The following PRDM16 variants were observed in gnomAD, a reference collection of about 807,000 sequenced individuals.
PRDM16 encodes the protein histone-lysine N-methyltransferase PRDM16.
PRDM16 carries 23 observed loss-of-function variants against 110.6 expected under a neutral mutation model. That is an observed-to-expected ratio of 0.21 (90% CI 0.15 to 0.29). The LOEUF is 0.29. Ranked by LOEUF, PRDM16 falls within the 10% of genes least tolerant of loss-of-function variation. The pLI is 1.00. For missense variants in PRDM16, 1,615 were observed against 1,794.3 expected, an observed-to-expected ratio of 0.90 and a Z score of 1.81; for synonymous variants, 799 against 781.8, an observed-to-expected ratio of 1.02 and a Z score of -0.37.
rs1570129753 is a variant in PRDM16, at chr1:3,358,446, GTGT to G, written c.439-26702_439-26700del. On this transcript the variant is annotated intron_variant, in intron 3 of 16. Transcript: ENST00000270722. This position sits in a 1 kb window ranked among gnomAD's most constrained non-coding sequence, Gnocchi z 4.0. ...CAGAAAATCTCCCACAGTGGAGGAG[GTGT>G]TGTCTCCAGAGGCAGCCGCTGCGCC... is the stretch of plus-strand genomic sequence containing the variant. 6.6e-6 allele frequency among the ~76,000 whole-genome samples: 1 copy of G among 152,298 alleles called. No homozygotes were observed.
intron 1 of PRDM16, among the ~76,000 whole-genome samples, chr1:3,142,493 A>G (rs1288553764): frequency 2.7e-5 from 4 of 148,890 alleles, no homozygotes; most frequent in African/African-American, 7.4e-5. Context: ...GTCTCGGGGC[A>G]GGCGCCGTCG....
rs760152938 is a variant in PRDM16, at chr1:3,244,093, C to G, written c.394C>G (p.Leu132Val). 1.9e-6 allele frequency: 3 copies of G among 1,613,988 alleles called. No individual in the cohort carries two copies. The highest frequency in any genetic ancestry group is 2.5e-6 in the Non-Finnish European group (3 of 1,179,992). The change falls in exon 3 of 17, where the codon CTG becomes GTG. Residue 132 changes from leucine to valine, a missense_variant. Leu to Val is a conservative substitution (Grantham distance 32, BLOSUM62 1). This residue lies in a region of PRDM16 where 416 missense variants were observed against 467.1 expected (regional missense o/e 0.89). Coordinates refer to ENST00000270722, the MANE Select transcript of PRDM16 (RefSeq NM_022114.4). The surrounding 1 kb of genome is among the most constrained non-coding windows in gnomAD (Gnocchi z 4.1). ...KETDFGWEQI[L>V]TDVEVSPQEG... ...TCTCAAAATTGTTTTGCAGCAAATA[C>G]TGACGGACGTGGAAGTGTCGCCCCA...
At position 3,154,225 on chromosome 1, in the gene PRDM16, A is replaced by G. The variant is rs535628289; in HGVS notation, c.38-31900A>G. On this transcript the variant is annotated intron_variant, in intron 1 of 16. Coordinates refer to ENST00000270722, the MANE Select transcript of PRDM16 (RefSeq NM_022114.4). Reference sequence around the variant, plus strand: ...ATCTGCCATGGAGATCCACCACCGTATCCCTAAGTGGACGGACTGGCGCTG... The same window carrying G: ...ATCTGCCATGGAGATCCACCACCGTGTCCCTAAGTGGACGGACTGGCGCTG... Among the ~76,000 whole-genome samples the G allele has an allele frequency of 2.0e-5, 3 of 152,138 alleles. No individual in the cohort carries two copies. In the East Asian group the frequency reaches 5.8e-4, roughly 29 times the overall value.
In PRDM16 at chr1:3,156,129, G is replaced by A. The variant is rs189605389; in HGVS notation, c.38-29996G>A. 3.4e-3 allele frequency among the ~76,000 whole-genome samples: 523 copies of A among 152,212 alleles called. 1 individual carries two copies. Among genetic ancestry groups the A allele is most frequent in the African/African-American group, 0.012 (509 of 41,512 alleles). On this transcript the variant is annotated intron_variant, in intron 1 of 16. Coordinates refer to ENST00000270722, the MANE Select transcript of PRDM16 (RefSeq NM_022114.4). ...GAGGAGATGACAAATATCCCACCTTGCTAATATATCTCGTTGATTTCCTCT... is the reference window on the plus strand; with the variant it reads ...GAGGAGATGACAAATATCCCACCTTACTAATATATCTCGTTGATTTCCTCT...
rs558580706 is a variant in PRDM16, at chr1:3,123,451, G to C, written c.37+54155G>C. Among the ~76,000 whole-genome samples the C allele has an allele frequency of 3.3e-5, 5 of 152,372 alleles. No homozygotes were observed. In the East Asian group the frequency reaches 9.7e-4, roughly 29 times the overall value. ...CACGGGTGAAGGGTGTCTGCCAGCAGCTATGTGGAGCCTGCGGCCTTCCTG... is the reference window on the plus strand; with the variant it reads ...CACGGGTGAAGGGTGTCTGCCAGCACCTATGTGGAGCCTGCGGCCTTCCTG... On this transcript the variant is annotated intron_variant, in intron 1 of 16. Coordinates refer to ENST00000270722, the MANE Select transcript of PRDM16 (RefSeq NM_022114.4).
intron 1 of PRDM16, among the ~76,000 whole-genome samples, chr1:3,105,875 G>A (rs929583426): frequency 9.2e-5 from 14 of 152,226 alleles, no homozygotes; most frequent in African/African-American, 2.9e-4. Context: ...AGGCCAGGCC[G>A]GCCACAGAGA....
intron 2 of PRDM16, among the ~76,000 whole-genome samples, chr1:3,242,334 C>A (rs1454989253): frequency 2.0e-5 from 3 of 152,244 alleles, no homozygotes; most frequent in African/African-American, 7.2e-5. Context: ...TCAGCCCAGC[C>A]TTTAACTGGC....
chr1:3,186,485 G>T lies in PRDM16; in HGVS notation c.387+11G>T. The T allele has an allele frequency of 6.8e-7, 1 of 1,461,788 alleles. No homozygotes were observed. The highest frequency in any genetic ancestry group is 9.2e-7 in the Non-Finnish European group (1 of 1,084,658). The allele number at this position is 1,461,788 out of a possible 1,614,324, so 90.6% of individuals were successfully genotyped here. ...GACTTCGGATGGGAGGTGAGCGATC[G>T]CGCCTGAGTATGATTGATCACGGCC... On this transcript the variant is annotated intron_variant, in intron 2 of 16. Transcript: ENST00000270722.
chr1:3,281,047 C>T (rs1640702083), intron 3 of PRDM16, among the ~76,000 whole-genome samples: 1 of 152,354 alleles, frequency 6.6e-6, no homozygotes. Context: ...TGTTCAACAC[C>T]GGGCAAGTCC....
At chr1:3,075,697 G>A (rs947816298) in intron 1 of PRDM16, among the ~76,000 whole-genome samples, 7 of 152,266 alleles carry the variant, frequency 4.6e-5, no homozygotes, top group African/African-American at 7.2e-5. Flanking sequence ...CGTCCCATGC[G>A]CGTTTTCCGC....
At chr1:3,316,749 GT>G (rs1440653392) in intron 3 of PRDM16, among the ~76,000 whole-genome samples, 1 of 149,658 alleles carries the variant, frequency 6.7e-6, no homozygotes, top group East Asian at 2.1e-4. Context: ...GCAGGAAACA[GT>G]GACTGCAGTG....
intron 3 of PRDM16, among the ~76,000 whole-genome samples, chr1:3,270,499 A>C (rs554236497): frequency 6.6e-6 from 1 of 150,432 alleles, no homozygotes; most frequent in South Asian, 2.1e-4. Context: ...GTTCCAGAGG[A>C]GGACAGTCCC....
At chr1:3,135,192 G>A (rs11800454) in intron 1 of PRDM16, among the ~76,000 whole-genome samples, 2,044 of 152,282 alleles carry the variant, frequency 0.013, 51 homozygotes, top group African/African-American at 0.046. Flanking sequence ...CAGTGAACCC[G>A]AGTCAGCCCA....
chr1:3,261,598 G>A (rs1640166144), intron 3 of PRDM16, among the ~76,000 whole-genome samples: 1 of 152,102 alleles, frequency 6.6e-6, no homozygotes, highest in East Asian at 1.9e-4. Context: ...GGGCCGGGTA[G>A]ATGACCTGTA....
At position 3,186,158 on chromosome 1, in the gene PRDM16, C is replaced by T. The variant is rs770517714; in HGVS notation, c.71C>T (p.Pro24Leu). The T allele has an allele frequency of 6.2e-7, 1 of 1,612,798 alleles. No homozygotes were observed. Among genetic ancestry groups the T allele is most frequent in the Admixed American group, 1.7e-5 (1 of 60,022 alleles). Residue 24 changes from proline to leucine, a missense_variant, in exon 2 of 17, where the codon CCC becomes CTC. By Grantham distance (98) the Pro-to-Leu change is moderately conservative. This residue lies in a region of PRDM16 where 416 missense variants were observed against 467.1 expected (regional missense o/e 0.89). Coordinates refer to ENST00000270722, the MANE Select transcript of PRDM16 (RefSeq NM_022114.4). ...GACGTTGTAAATAATATGTATGAGC[C>T]CAACCGGGACCTGCTGGCCAGCCAC... ...DGDVVNNMYE[P>L]NRDLLASHSA...
chr1:3,251,429 C>G (rs967788250), intron 3 of PRDM16, among the ~76,000 whole-genome samples: 10 of 152,184 alleles, frequency 6.6e-5, no homozygotes, highest in Admixed American at 3.3e-4. Context: ...ACGTCCAGGG[C>G]TTGGCTGCTC....
intron 3 of PRDM16, among the ~76,000 whole-genome samples, chr1:3,337,038 C>T (rs1642173577): frequency 6.8e-6 from 1 of 147,764 alleles, no homozygotes; most frequent in Non-Finnish European, 1.5e-5. Flanking sequence ...TCTGTGTGTG[C>T]ACATTCATGC....
rs532175209 is a variant in PRDM16, at chr1:3,110,972, G to A, written c.37+41676G>A. Among the ~76,000 whole-genome samples, 265 of 152,324 alleles carry A rather than the reference G, an allele frequency of 1.7e-3. 2 individuals are homozygous for A. Among genetic ancestry groups the A allele is most frequent in the Middle Eastern group, 6.8e-3 (2 of 294 alleles). Reference sequence around the variant, plus strand: ...GAGATTGCCCGGTTCTGGGCAAGACGGCAGGGGAGCCATTGCCAGCCTAGC... The same window carrying A: ...GAGATTGCCCGGTTCTGGGCAAGACAGCAGGGGAGCCATTGCCAGCCTAGC... On this transcript the variant is annotated intron_variant, in intron 1 of 16. Coordinates refer to ENST00000270722, the MANE Select transcript of PRDM16 (RefSeq NM_022114.4).
chr1:3,433,050 C>T (rs1638810544), intron 16 of PRDM16, among the ~76,000 whole-genome samples: 1 of 152,226 alleles, frequency 6.6e-6, no homozygotes, highest in South Asian at 2.1e-4. Context: ...CTTGTTGACC[C>T]CCAGTTCCCA....
Sources: allele counts gnomAD v4.1 joint callset (sites outside exome capture counted in the v4.1 genomes callset), GRCh38; gene constraint gnomAD v4.1.1; regional missense constraint gnomAD v4.1.1; non-coding constraint Gnocchi (gnomAD v3.1); transcripts MANE v1.5; gene names NCBI Gene and HGNC (gene_info 2026-07-23, HGNC 2026-07-21).